Variants in LACTB observed in about 807,000 individuals in gnomAD.
The protein encoded by LACTB is serine beta-lactamase-like protein LACTB, mitochondrial.
In LACTB, 35 loss-of-function variants were observed where a neutral mutation model predicts 50.2. That is an observed-to-expected ratio of 0.70 (90% CI 0.53 to 0.92). The LOEUF is 0.92. Among genes scored for constraint, LACTB ranks in the 40% least tolerant of loss-of-function variants. The probability of loss-of-function intolerance (pLI) is 0.00; values close to 1 mark genes in which losing one functional copy is unlikely to be tolerated. For synonymous variants in LACTB, 252 were observed against 268.2 expected (o/e 0.94, Z 0.59); for missense variants, 664 against 691.8 (o/e 0.96, Z 0.45).
chr15:63,121,995 GGGGGCCTCGGGCTGGGGCT>G lies in LACTB; in HGVS notation c.130_148del (p.Leu44TrpfsTer5). 1 of 1,368,204 alleles carries G rather than the reference GGGGGCCTCGGGCTGGGGCT, an allele frequency of 7.3e-7. No homozygotes were observed. The highest frequency in any genetic ancestry group is 9.4e-7 in the Non-Finnish European group (1 of 1,069,074). The allele number at this position is 1,368,204 out of a possible 1,614,324, so 84.8% of individuals were successfully genotyped here. On this transcript the variant is annotated frameshift_variant, in exon 1 of 6. Coordinates refer to ENST00000261893, the MANE Select transcript of LACTB (RefSeq NM_032857.5). LOFTEE classifies it high-confidence loss of function. ...GCCGCCTCTCGGCCACGGCTGGGTC[GGGGGCCTCGGGCTGGGGCT>G]GGGGCTGGCGCTCGGGGTGAAGCTG...
intron 5 of LACTB, among the ~76,000 whole-genome samples, chr15:63,140,608 AC>A (rs1207914527): frequency 3.3e-5 from 5 of 152,212 alleles, no homozygotes; most frequent in South Asian, 2.1e-4. Flanking sequence ...CCAAGAAACT[AC>A]CATGTCACAT....
rs2036978524 is a variant in LACTB, at chr15:63,122,057, C to G, written c.186C>G (p.Gly62=). Residue 62 remains glycine (G), a synonymous_variant, in exon 1 of 6, where the codon GGC becomes GGG. Coordinates refer to ENST00000261893, the MANE Select transcript of LACTB (RefSeq NM_032857.5). ...TGAAGCTGGCAGGTGGGCTGAGGGG[C>G]GCGGCCCCGGCGCAGTCCCCCGCGG... ...LGVKLAGGLR[G]AAPAQSPAAP... is the part of the protein sequence containing the mutation. The G allele has an allele frequency of 1.6e-5, 23 of 1,429,490 alleles. No homozygotes were observed. The East Asian group carries it at 6.9e-4, about 43-fold the overall frequency. The allele number at this position is 1,429,490 out of a possible 1,614,324, so 88.6% of individuals were successfully genotyped here.
chr15:63,129,465 C>A lies in LACTB; in HGVS notation c.953-20C>A. The A allele has an allele frequency of 6.6e-7, 1 of 1,504,328 alleles. No homozygotes were observed. Among genetic ancestry groups the A allele is most frequent in the Non-Finnish European group, 8.9e-7 (1 of 1,126,774 alleles). 93.2% of individuals were successfully genotyped at this position (1,504,328 alleles called of 1,614,324 possible). On this transcript the variant is annotated intron_variant, in intron 4 of 5. Transcript: ENST00000261893. ...TAATCAAGTATTTTATTTTTTTCCT[C>A]CTCGCAATGATGTCTCAAGGTAGTC...
chr15:63,137,887 C>T (rs546725903), intron 5 of LACTB, among the ~76,000 whole-genome samples: 2 of 152,280 alleles, frequency 1.3e-5, no homozygotes, highest in East Asian at 1.9e-4. Context: ...AGACTCTCTA[C>T]TGGTAGTTCA....
Position 63,122,077 on chromosome 15 carries a change from C to T in LACTB, c.206C>T (p.Pro69Leu). The change falls in exon 1 of 6, where the codon CCC becomes CTC. Residue 69 changes from proline to leucine, a missense_variant. Physicochemically the swap from Pro to Leu is moderately conservative, Grantham distance 98. Transcript: ENST00000261893. The stretch of plus-strand genomic sequence containing the variant: ...AGGGGCGCGGCCCCGGCGCAGTCCC[C>T]CGCGGCCCCCGACCCTGAGGCGTCG... The part of the protein sequence containing the change: ...GLRGAAPAQS[P>L]AAPDPEASPL... The T allele has an allele frequency of 1.4e-6, 2 of 1,448,066 alleles. No homozygotes were observed. The highest frequency in any genetic ancestry group is 1.8e-6 in the Non-Finnish European group (2 of 1,109,542). The allele number at this position is 1,448,066 out of a possible 1,614,324, so 89.7% of individuals were successfully genotyped here.
chr15:63,129,555 TA>T lies in LACTB; in HGVS notation c.1026del (p.Lys342AsnfsTer16), dbSNP rs1244584436. 3 of 1,613,520 alleles carry T rather than the reference TA, an allele frequency of 1.9e-6. No homozygotes were observed. Among genetic ancestry groups the T allele is most frequent in the Non-Finnish European group, 2.5e-6 (3 of 1,179,734 alleles). On this transcript the variant is annotated frameshift_variant, in exon 5 of 6. Transcript: ENST00000261893. LOFTEE classifies it high-confidence loss of function. ...CCATAGTAGAGAGAGCTTCAGGATG[TA>T]AATATTTGGACTATATGCAGAAAAT... Reference protein sequence around the residue: ...AAIVERASGCKYLDYMQKIFH... With the variant: ...AAIVERASGCXYLDYMQKIFH...
At chr15:63,138,622 T>C (rs1325941780) in intron 5 of LACTB, among the ~76,000 whole-genome samples, 2 of 152,242 alleles carry the variant, frequency 1.3e-5, no homozygotes, top group African/African-American at 2.4e-5. Context: ...ATCTAGAATT[T>C]GCTTATTAAA....
intron 5 of LACTB, 85 bp from the exon 6 acceptor site, chr15:63,141,193 ATC>A (rs1382717518): frequency 9.6e-6 from 14 of 1,457,756 alleles, no homozygotes; most frequent in African/African-American, 5.7e-5. Context: ...TTGAAATACA[ATC>A]TCTCTCATGT....
chr15:63,133,345 G>A (rs2037149836), intron 5 of LACTB, among the ~76,000 whole-genome samples: 1 of 152,180 alleles, frequency 6.6e-6, no homozygotes, highest in Non-Finnish European at 1.5e-5. Flanking sequence ...CTGGCCAGGT[G>A]CTGTGTGGCT....
chr15:63,126,290 C>T (rs540859880), intron 2 of LACTB, among the ~76,000 whole-genome samples: 11 of 152,090 alleles, frequency 7.2e-5, no homozygotes, highest in Non-Finnish European at 1.2e-4. Context: ...TACAGGCACA[C>T]GCCACCATGA....
intron 1 of LACTB, 92 bp from the exon 2 acceptor site, chr15:63,122,544 C>CTCAGGGGGCGGGGCCCAGGA: frequency 9.7e-7 from 1 of 1,026,908 alleles, no homozygotes; most frequent in Admixed American, 1.8e-5. Context: ...GGGGCCCAGG[C>CTCAGGGGGCGGGGCCCAGGA]TCAGGGGGCG....
Position 63,121,941 on chromosome 15 carries a change from C to A in LACTB, c.70C>A (p.Arg24=). The A allele has an allele frequency of 7.0e-7, 1 of 1,418,492 alleles. No individual in the cohort carries two copies. The highest frequency in any genetic ancestry group is 9.1e-7 in the Non-Finnish European group (1 of 1,093,146). 87.9% of individuals were successfully genotyped at this position (1,418,492 alleles called of 1,614,324 possible). ...CGGGGGCTTGGCCTCAAGCTGCGGA[C>A]GACGCGGGGTCCATCAGCGCGCCGG... The part of the protein sequence containing the change: ...APGGLASSCG[R]RGVHQRAGLP... Residue 24 remains arginine, a synonymous_variant, in exon 1 of 6, where the codon CGA becomes AGA. Transcript: ENST00000261893.
In LACTB at chr15:63,121,928, C is replaced by A; in HGVS notation, c.57C>A (p.Ala19=). 7.0e-7 allele frequency: 1 copy of A among 1,430,574 alleles called. No homozygotes were observed. The highest frequency in any genetic ancestry group is 9.1e-7 in the Non-Finnish European group (1 of 1,098,668). 88.6% of individuals were successfully genotyped at this position (1,430,574 alleles called of 1,614,324 possible). A position where few individuals can be genotyped will look rare whatever the true frequency, so the allele number is the denominator to read the frequency against. Reference sequence around the variant, plus strand: ...GGGCTGCCGCCCCCGGGGGCTTGGCCTCAAGCTGCGGACGACGCGGGGTCC... The same window carrying A: ...GGGCTGCCGCCCCCGGGGGCTTGGCATCAAGCTGCGGACGACGCGGGGTCC... ...TARAAAPGGL[A]SSCGRRGVHQ... Residue 19 remains alanine, a synonymous_variant, in exon 1 of 6, where the codon GCC becomes GCA. Coordinates refer to ENST00000261893, the MANE Select transcript of LACTB (RefSeq NM_032857.5).
At position 63,122,058 on chromosome 15, in the gene LACTB, G is replaced by A; in HGVS notation, c.187G>A (p.Ala63Thr). 1 of 1,428,740 alleles carries A rather than the reference G, an allele frequency of 7.0e-7. No individual in the cohort carries two copies. Among genetic ancestry groups the A allele is most frequent in the Non-Finnish European group, 9.1e-7 (1 of 1,100,092 alleles). 88.5% of individuals were successfully genotyped at this position (1,428,740 alleles called of 1,614,324 possible). A position where few individuals can be genotyped will look rare whatever the true frequency, so the allele number is the denominator to read the frequency against. Reference sequence around the variant, plus strand: ...GAAGCTGGCAGGTGGGCTGAGGGGCGCGGCCCCGGCGCAGTCCCCCGCGGC... The same window carrying A: ...GAAGCTGGCAGGTGGGCTGAGGGGCACGGCCCCGGCGCAGTCCCCCGCGGC... ...GVKLAGGLRG[A>T]APAQSPAAPD... The change falls in exon 1 of 6, where the codon GCG (alanine) becomes ACG (threonine). Residue 63 changes from alanine to threonine, a missense_variant. Ala to Thr is a moderately conservative substitution (Grantham distance 58, BLOSUM62 0). Coordinates refer to ENST00000261893, the MANE Select transcript of LACTB (RefSeq NM_032857.5).
chr15:63,127,194 G>C (rs2037064598), intron 3 of LACTB, 145 bp downstream of exon 3: 1 of 916,106 alleles, frequency 1.1e-6, no homozygotes, highest in African/African-American at 1.7e-5. Flanking sequence ...TGATAATCAG[G>C]TAGGTATTTT....
At chr15:63,136,756 A>G (rs2037181746) in intron 5 of LACTB, among the ~76,000 whole-genome samples, 1 of 152,104 alleles carries the variant, frequency 6.6e-6, no homozygotes, top group Non-Finnish European at 1.5e-5. Context: ...TAATAAATAT[A>G]TATGTTTGGA....
At chr15:63,125,459 T>C (rs1349574984) in intron 2 of LACTB, among the ~76,000 whole-genome samples, 1 of 152,048 alleles carries the variant, frequency 6.6e-6, no homozygotes, top group East Asian at 1.9e-4. Flanking sequence ...TGAGCCACCG[T>C]GCCCAGCTTA....
chr15:63,139,197 A>G (rs796439470), intron 5 of LACTB, among the ~76,000 whole-genome samples: 42 of 85,196 alleles, frequency 4.9e-4, no homozygotes, highest in African/African-American at 2.1e-3. Context: ...AAAAATCCAA[A>G]AAAAAAAAAA....
chr15:63,130,693 C>T (rs2037121782), intron 5 of LACTB: 1 of 152,134 alleles, frequency 6.6e-6, no homozygotes, highest in Non-Finnish European at 1.5e-5. Flanking sequence ...ATTGCATTTA[C>T]TTGTCATATC....
Sources: gnomAD v4.1 joint callset for allele counts (sites outside exome capture counted in the v4.1 genomes callset) on GRCh38, gnomAD v4.1.1 for gene constraint, MANE v1.5 for transcripts, NCBI Gene and HGNC (gene_info 2026-07-23, HGNC 2026-07-21) for gene names.